HS2ST1: variants seen among roughly 807,000 people sequenced by gnomAD.
The protein encoded by HS2ST1 is 2-O-sulfotransferase.
A neutral mutation model predicts 42.9 loss-of-function variants in HS2ST1; 18 were observed. The observed-to-expected ratio is 0.42, with a 90% CI of 0.29 to 0.62. HS2ST1 has a LOEUF of 0.62. Ranked by LOEUF, HS2ST1 falls within the 20% of genes least tolerant of loss-of-function variation. The probability of loss-of-function intolerance (pLI) is 0.21; values close to 1 mark genes in which losing one functional copy is unlikely to be tolerated. For synonymous variants in HS2ST1, 146 were observed against 152.9 expected, an observed-to-expected ratio of 0.95 and a Z score of 0.33; for missense variants, 334 against 433.8, an observed-to-expected ratio of 0.77 and a Z score of 2.04.
intron 1 of HS2ST1, among the ~76,000 whole-genome samples, chr1:86,945,206 G>A (rs961139369): frequency 1.3e-5 from 2 of 152,098 alleles, no homozygotes; most frequent in African/African-American, 4.8e-5. Flanking sequence ...AGAGAGGATG[G>A]CATGATCTAA....
chr1:86,958,732 G>A (rs1267612129), intron 1 of HS2ST1, among the ~76,000 whole-genome samples: 1 of 152,092 alleles, frequency 6.6e-6, no homozygotes, highest in Non-Finnish European at 1.5e-5. Context: ...TCTTAACTCA[G>A]CATTACTCTT....
intron 1 of HS2ST1, among the ~76,000 whole-genome samples, chr1:87,066,433 T>G (rs1651251587): frequency 6.6e-6 from 1 of 152,148 alleles, no homozygotes; most frequent in Non-Finnish European, 1.5e-5. Context: ...GAACCTGAGA[T>G]AGCTTGCATA....
chr1:86,966,676 C>G (rs1486436213), intron 1 of HS2ST1, among the ~76,000 whole-genome samples: 1 of 152,168 alleles, frequency 6.6e-6, no homozygotes, highest in Non-Finnish European at 1.5e-5. Context: ...CTCTTGGGCT[C>G]AAATGATCCT....
At chr1:87,047,759 A>G (rs1650722534) in intron 1 of HS2ST1, among the ~76,000 whole-genome samples, 1 of 152,116 alleles carries the variant, frequency 6.6e-6, no homozygotes, top group South Asian at 2.1e-4. Context: ...AATTGATCAT[A>G]TTTGTATAGT....
In HS2ST1 at chr1:87,021,362, C is replaced by T. The variant is rs529205191; in HGVS notation, c.125-51572C>T. On this transcript the variant is annotated intron_variant, in intron 1 of 6. Transcript: ENST00000370550. ...ATATTTGTAGGCCCTACAAACATTC[C>T]ATGTTCTTCCATAAATCCCTTCTTG... 1.6e-4 allele frequency among the ~76,000 whole-genome samples: 24 copies of T among 152,258 alleles called. No homozygotes were observed. In the South Asian group the frequency reaches 4.8e-3, roughly 30 times the overall value.
intron 1 of HS2ST1, among the ~76,000 whole-genome samples, chr1:87,068,932 ATCC>A (rs1304865407): frequency 2.0e-5 from 3 of 152,130 alleles, no homozygotes; most frequent in Non-Finnish European, 1.5e-5. Context: ...GGCTTAAGCA[ATCC>A]TCCTCCCTCA....
Position 87,092,515 on chromosome 1 carries a change from T to G in HS2ST1, c.450-16T>G. ...GAAAATGTTGATTTCACCTTTGAAA[T>G]TTTGTTGTATTTCAGATTTGGTGTG... On this transcript the variant is annotated splice_polypyrimidine_tract_variant and intron_variant, in intron 3 of 6. Coordinates refer to ENST00000370550, the MANE Select transcript of HS2ST1 (RefSeq NM_012262.4). 6.6e-7 allele frequency: 1 copy of G among 1,523,728 alleles called. No homozygotes were observed. Among genetic ancestry groups the G allele is most frequent in the Non-Finnish European group, 8.8e-7 (1 of 1,141,048 alleles). 94.4% of individuals were successfully genotyped at this position (1,523,728 alleles called of 1,614,324 possible).
At position 87,077,309 on chromosome 1, in the gene HS2ST1, C is replaced by G. The variant is rs570063820; in HGVS notation, c.363+4137C>G. ...CCAAGAGGCCCTTTTTAATCTAGCC[C>G]TTGTGTGCACCAACTTCTTACCCAC... is the stretch of plus-strand genomic sequence containing the variant. On this transcript the variant is annotated intron_variant, in intron 2 of 6. Transcript: ENST00000370550. Among the ~76,000 whole-genome samples, 5 of 152,262 alleles carry G rather than the reference C, an allele frequency of 3.3e-5. No homozygotes were observed. In the South Asian group the frequency reaches 8.3e-4, roughly 25 times the overall value.
chr1:86,930,329 C>T (rs1660518011), intron 1 of HS2ST1, among the ~76,000 whole-genome samples: 1 of 151,838 alleles, frequency 6.6e-6, no homozygotes, highest in Admixed American at 6.6e-5. Flanking sequence ...GCTCAGCTTG[C>T]ATTTTAGCTA....
At chr1:86,941,821 C>T (rs983625384) in intron 1 of HS2ST1, among the ~76,000 whole-genome samples, 1 of 152,122 alleles carries the variant, frequency 6.6e-6, no homozygotes, top group Non-Finnish European at 1.5e-5. Flanking sequence ...GCCCCTGGTA[C>T]CTGCTACTGA....
rs964060735 is a variant in HS2ST1, at chr1:86,987,237, G to A, written c.124+72077G>A. On this transcript the variant is annotated intron_variant, in intron 1 of 6. Coordinates refer to ENST00000370550, the MANE Select transcript of HS2ST1 (RefSeq NM_012262.4). ...GGTGCCCACTGCCTGCCGCCACGCC[G>A]GGCTAATTTTTGTATTTTAGTAGAG... is the stretch of plus-strand genomic sequence containing the variant. Among the ~76,000 whole-genome samples, 5 of 151,606 alleles carry A rather than the reference G, an allele frequency of 3.3e-5. No homozygotes were observed. In the East Asian group the frequency reaches 5.8e-4, roughly 18 times the overall value.
intron 1 of HS2ST1, chr1:87,045,965 G>GT: frequency 1.4e-6 from 1 of 720,512 alleles, no homozygotes; most frequent in Non-Finnish European, 2.5e-6. Context: ...AACCTCAACA[G>GT]TTTTTGTTTC....
At chr1:86,994,397 T>C (rs1173072445) in intron 1 of HS2ST1, among the ~76,000 whole-genome samples, 1 of 152,184 alleles carries the variant, frequency 6.6e-6, no homozygotes, top group African/African-American at 2.4e-5. Flanking sequence ...TCTCTTAACT[T>C]CATTATGGGC....
intron 1 of HS2ST1, among the ~76,000 whole-genome samples, chr1:86,989,557 A>G (rs762832399): frequency 6.6e-6 from 1 of 152,232 alleles, no homozygotes; most frequent in African/African-American, 2.4e-5. Flanking sequence ...TGGGTCAGCC[A>G]AATTCAGGAG....
chr1:87,090,305 C>T (rs986406037), intron 3 of HS2ST1, among the ~76,000 whole-genome samples: 1 of 151,936 alleles, frequency 6.6e-6, no homozygotes, highest in African/African-American at 2.4e-5. Flanking sequence ...GGTCCCTGCC[C>T]CGGTGGAACT....
intron 1 of HS2ST1, among the ~76,000 whole-genome samples, chr1:87,060,837 TTAGCAA>T (rs1324348668): frequency 1.3e-5 from 2 of 152,134 alleles, no homozygotes; most frequent in African/African-American, 4.8e-5. Context: ...CGTAGTAACC[TTAGCAA>T]TAACACAAAA....
At chr1:86,915,293 A>G in intron 1 of HS2ST1, 133 bp downstream of exon 1, 1 of 1,004,532 alleles carries the variant, frequency 1.0e-6, no homozygotes, top group South Asian at 1.7e-5. Flanking sequence ...AGAACCGGGA[A>G]CAAGGGGCAG....
chr1:87,096,526 G>A (rs1208673628), intron 4 of HS2ST1, among the ~76,000 whole-genome samples: 1 of 152,098 alleles, frequency 6.6e-6, no homozygotes, highest in Non-Finnish European at 1.5e-5. Context: ...TTTATTTTTT[G>A]CTTGAAAGCT....
intron 1 of HS2ST1, among the ~76,000 whole-genome samples, chr1:86,979,611 G>A (rs952549253): frequency 3.3e-5 from 5 of 152,044 alleles, no homozygotes; most frequent in Non-Finnish European, 7.4e-5. Context: ...ATCTATTCAC[G>A]GACACTTGGA....
Sources: allele counts gnomAD v4.1 joint callset (sites outside exome capture counted in the v4.1 genomes callset), GRCh38; gene constraint gnomAD v4.1.1; transcripts MANE v1.5; gene names NCBI Gene and HGNC (gene_info 2026-07-23, HGNC 2026-07-21).